UGT1A5: variants seen among roughly 807,000 people sequenced by gnomAD.
UGT1A5 encodes the protein UDP glucuronosyltransferase family 1 member A5, also known as UDP-glucuronosyltransferase 1A5.
Under a neutral mutation model 40.3 loss-of-function variants are expected in UGT1A5, and 29 were observed. The ratio of observed to expected loss-of-function variants is 0.72; its 90% confidence interval spans 0.54 to 0.98. UGT1A5 has a LOEUF of 0.98. Among genes scored for constraint, UGT1A5 ranks in the 50% least tolerant of loss-of-function variants. The pLI is 0.00. For missense variants in UGT1A5, 678 were observed against 677.9 expected (o/e 1.00, Z 0.00); for synonymous variants, 257 against 262.5 (o/e 0.98, Z 0.20).
intron 1 of UGT1A5, among the ~76,000 whole-genome samples, chr2:233,745,638 C>T (rs530940349): frequency 4.6e-5 from 7 of 151,244 alleles, no homozygotes; most frequent in South Asian, 2.1e-4. Context: ...GAAAGCTGGC[C>T]GAGGGTAGAG....
At chr2:233,736,600 T>C (rs1190084576) in intron 1 of UGT1A5, among the ~76,000 whole-genome samples, 7 of 152,224 alleles carry the variant, frequency 4.6e-5, no homozygotes, top group Non-Finnish European at 1.0e-4. Flanking sequence ...TTATGCGCTA[T>C]GGTTTTTAGA....
chr2:233,718,574 C>T (rs1436667300), intron 1 of UGT1A5, among the ~76,000 whole-genome samples: 1 of 152,174 alleles, frequency 6.6e-6, no homozygotes, highest in Non-Finnish European at 1.5e-5. Context: ...CTTGGATGTT[C>T]CCCAGAGGCA....
intron 1 of UGT1A5, among the ~76,000 whole-genome samples, chr2:233,735,251 C>T (rs915442177): frequency 3.3e-5 from 5 of 152,018 alleles, no homozygotes; most frequent in Admixed American, 6.6e-5. Context: ...TTGAATTGCT[C>T]CCTTTACCAT....
In UGT1A5 at chr2:233,747,934, G is replaced by A. The variant is rs544310415; in HGVS notation, c.868-19100G>A. The A allele has an allele frequency of 2.5e-6, 4 of 1,613,444 alleles. No individual in the cohort carries two copies. In the South Asian group the frequency reaches 3.3e-5, roughly 13 times the overall value. ...AGCCTTGCCTCTGAGCTTTTTCAGAGGGAGGTGTCAGTGGTGGATCTTCTC... is the reference window on the plus strand; with the variant it reads ...AGCCTTGCCTCTGAGCTTTTTCAGAAGGAGGTGTCAGTGGTGGATCTTCTC... On this transcript the variant is annotated intron_variant, in intron 1 of 4. Coordinates refer to ENST00000373414, the MANE Select transcript of UGT1A5 (RefSeq NM_019078.2).
In UGT1A5 at chr2:233,728,991, T is replaced by C. The variant is rs868429591; in HGVS notation, c.867+15133T>C. On this transcript the variant is annotated intron_variant, in intron 1 of 4. Transcript: ENST00000373414. ...GATAGATTAATGGTTAATAATTAAC[T>C]AGAGGAGGGCACTCTGTCTTCCAAT... 5.2e-5 allele frequency: 80 copies of C among 1,542,528 alleles called. No homozygotes were observed. The African/African-American group carries it at 1.0e-3, about 20-fold the overall frequency.
chr2:233,747,777 A>T (rs1038765158), intron 1 of UGT1A5: 20 of 1,613,544 alleles, frequency 1.2e-5, no homozygotes, highest in Non-Finnish European at 1.3e-5. Context: ...ACAGTGTCCA[A>T]ATCCTTCCTC....
rs186476397 is a variant in UGT1A5, at chr2:233,730,211, C to T, written c.867+16353C>T. Among the ~76,000 whole-genome samples the T allele has an allele frequency of 1.1e-3, 161 of 152,112 alleles. 1 individual carries two copies. The highest frequency in any genetic ancestry group is 3.7e-3 in the African/African-American group (152 of 41,476). On this transcript the variant is annotated intron_variant, in intron 1 of 4. Coordinates refer to ENST00000373414, the MANE Select transcript of UGT1A5 (RefSeq NM_019078.2). ...CACTGAGAGGAAGAGGAAGTAGACA[C>T]GAATGTTTGTAAAAGGATGGACAAG...
rs753373133 is a variant in UGT1A5, at chr2:233,768,431, T to C, written c.1299T>C (p.Asn433=). The change falls in exon 4 of 5, where the codon AAT becomes AAC. Residue 433 remains asparagine (N), a synonymous_variant. Coordinates refer to ENST00000373414, the MANE Select transcript of UGT1A5 (RefSeq NM_019078.2). ...AAAATGCTCTAAAAGCAGTCATCAA[T>C]GACAAAAGGTAAGAAAGAAGATACA... The part of the protein sequence containing the change: ...DLENALKAVI[N]DKSYKENIMR... 2 of 1,613,926 alleles carry C rather than the reference T, an allele frequency of 1.2e-6. No homozygotes were observed. The highest frequency in any genetic ancestry group is 1.7e-6 in the Non-Finnish European group (2 of 1,179,924).
intron 1 of UGT1A5, chr2:233,719,203 G>T (rs145806554): frequency 2.5e-6 from 4 of 1,614,124 alleles, no homozygotes; most frequent in Admixed American, 3.3e-5. Flanking sequence ...CATAGGTGTT[G>T]TGTGGAGCTA....
chr2:233,768,235 G>T lies in UGT1A5; in HGVS notation c.1103G>T (p.Arg368Leu), dbSNP rs374047963. 32 of 1,614,018 alleles carry T rather than the reference G, an allele frequency of 2.0e-5. No homozygotes were observed. Among genetic ancestry groups the T allele is most frequent in the African/African-American group, 1.3e-5 (1 of 74,898 alleles). Residue 368 changes from arginine (R) to leucine (L), a missense_variant, in exon 4 of 5, where the codon CGT becomes CTT. Physicochemically the swap from Arg to Leu is moderately radical, Grantham distance 102. Transcript: ENST00000373414. ...QNDLLGHPMT[R>L]AFITHAGSHG... is the part of the protein sequence containing the mutation. ...TGCATCTCAGGTCACCCGATGACCC[G>T]TGCCTTTATCACCCATGCTGGTTCC...
At chr2:233,748,104 T>A in intron 1 of UGT1A5, 2 of 1,612,628 alleles carry the variant, frequency 1.2e-6, no homozygotes, top group Non-Finnish European at 1.7e-6. Flanking sequence ...CTTCATCCAA[T>A]CAATGTTCCA....
At chr2:233,743,087 A>G (rs1244920727) in intron 1 of UGT1A5, 3 of 346,168 alleles carry the variant, frequency 8.7e-6, no homozygotes, top group Non-Finnish European at 1.7e-5. Flanking sequence ...AAGTGTTTAT[A>G]AATTCTTGGG....
intron 1 of UGT1A5, among the ~76,000 whole-genome samples, chr2:233,726,661 A>G (rs2077549730): frequency 1.3e-5 from 2 of 152,200 alleles, no homozygotes; most frequent in Admixed American, 6.5e-5. Flanking sequence ...TAATTTAATC[A>G]TATCTGTGAA....
intron 1 of UGT1A5, among the ~76,000 whole-genome samples, chr2:233,725,599 G>GT (rs1258851013): frequency 4.6e-5 from 7 of 152,142 alleles, no homozygotes; most frequent in East Asian, 3.9e-4. Context: ...ATTTGACATA[G>GT]TTTTTTCTTG....
chr2:233,735,151 G>T (rs1299543720), intron 1 of UGT1A5, among the ~76,000 whole-genome samples: 1 of 152,160 alleles, frequency 6.6e-6, no homozygotes, highest in African/African-American at 2.4e-5. Context: ...GGGAGTCTAA[G>T]TCTCTGTGTA....
Position 233,772,737 on chromosome 2 carries a change from G to A in UGT1A5, c.*178G>A. ...ATAAAAATAATAGACTCGCTAGTCA[G>A]TAAAGATATTTGAATATGTATCGTG... On this transcript the variant is annotated 3_prime_UTR_variant, in exon 5 of 5. Transcript: ENST00000373414. The A allele has an allele frequency of 7.0e-7, 1 of 1,436,900 alleles. No individual in the cohort carries two copies. Among genetic ancestry groups the A allele is most frequent in the Non-Finnish European group, 9.1e-7 (1 of 1,096,214 alleles). 89.0% of individuals were successfully genotyped at this position (1,436,900 alleles called of 1,614,324 possible). A position where few individuals can be genotyped will look rare whatever the true frequency, so the allele number is the denominator to read the frequency against.
chr2:233,724,978 CT>C (rs879408503), intron 1 of UGT1A5, among the ~76,000 whole-genome samples: 4,867 of 144,460 alleles, frequency 0.034, 246 homozygotes, highest in African/African-American at 0.053. Context: ...TGGCGGATCA[CT>C]CGCGGTTAGG....
At chr2:233,764,520 A>G (rs935086504) in intron 1 of UGT1A5, among the ~76,000 whole-genome samples, 4 of 152,220 alleles carry the variant, frequency 2.6e-5, no homozygotes, top group African/African-American at 4.8e-5. Context: ...TGTGAATCAC[A>G]TCCTGCTGAT....
chr2:233,744,268 G>A (rs975143580), intron 1 of UGT1A5, among the ~76,000 whole-genome samples: 1 of 151,806 alleles, frequency 6.6e-6, no homozygotes, highest in Non-Finnish European at 1.5e-5. Context: ...TTTTCTTAAA[G>A]TAGGCTTTAT....
Sources: gnomAD v4.1 joint callset for allele counts (sites outside exome capture counted in the v4.1 genomes callset) on GRCh38, gnomAD v4.1.1 for gene constraint, MANE v1.5 for transcripts, NCBI Gene and HGNC (gene_info 2026-07-23, HGNC 2026-07-21) for gene names.